Variants in DLG2 observed in about 807,000 individuals in gnomAD.
The protein encoded by DLG2 is discs large MAGUK scaffold protein 2, also known as disks large homolog 2.
DLG2 carries 45 observed loss-of-function variants against 132.5 expected under a neutral mutation model. The observed-to-expected ratio is 0.34, with a 90% confidence interval of 0.27 to 0.44. The LOEUF is 0.44. Among genes scored for constraint, DLG2 ranks in the 20% least tolerant of loss-of-function variants. The pLI, the probability that DLG2 is intolerant of heterozygous loss-of-function variation, is 1.00. For synonymous variants in DLG2, 424 were observed against 419.6 expected (o/e 1.01, Z -0.13); for missense variants, 1,045 against 1,196.9 (o/e 0.87, Z 1.87).
intron 6 of DLG2, among the ~76,000 whole-genome samples, chr11:85,036,085 A>C (rs1465850216): frequency 6.6e-6 from 1 of 152,174 alleles, no homozygotes; most frequent in Admixed American, 6.5e-5. Context: ...TAGCTTCCTT[A>C]TGCATAAAAT....
At chr11:83,574,099 ACT>A (rs2144098434) in intron 19 of DLG2, among the ~76,000 whole-genome samples, 1 of 152,172 alleles carries the variant, frequency 6.6e-6, no homozygotes, top group South Asian at 2.1e-4. Context: ...CTTATTCTAA[ACT>A]CTGTAATTAA....
chr11:83,783,616 C>T (rs182752754), intron 18 of DLG2, among the ~76,000 whole-genome samples: 1 of 152,032 alleles, frequency 6.6e-6, no homozygotes, highest in Non-Finnish European at 1.5e-5. Context: ...TTAAGAAATA[C>T]CAAGTAGGAC....
chr11:84,182,165 C>A (rs889576525), intron 8 of DLG2, among the ~76,000 whole-genome samples: 2 of 152,094 alleles, frequency 1.3e-5, no homozygotes, highest in East Asian at 1.9e-4. Flanking sequence ...AGAATAGATA[C>A]AATGTCTGTT....
chr11:85,526,720 G>C (rs937526555), intron 3 of DLG2, among the ~76,000 whole-genome samples: 2 of 152,134 alleles, frequency 1.3e-5, no homozygotes, highest in Non-Finnish European at 2.9e-5. Context: ...GTTTCTGGAA[G>C]AGATTAGCAT....
At position 84,533,950 on chromosome 11, in the gene DLG2, G is replaced by A. The variant is rs922356984; in HGVS notation, c.519+620C>T. Among the ~76,000 whole-genome samples, 3 of 126,844 alleles carry A rather than the reference G, an allele frequency of 2.4e-5. No homozygotes were observed. The South Asian group carries it at 8.5e-4, about 36-fold the overall frequency. 83.2% of individuals were successfully genotyped at this position (126,844 alleles called of 152,430 possible). A position where few individuals can be genotyped will look rare whatever the true frequency, so the allele number is the denominator to read the frequency against. ...AAAAAAAAAAAAATCAGAGTAATTTGCACAGCCAAGGGGCATAGAAAAGTA... is the reference window on the plus strand; with the variant it reads ...AAAAAAAAAAAAATCAGAGTAATTTACACAGCCAAGGGGCATAGAAAAGTA... On this transcript the variant is annotated intron_variant, in intron 7 of 27. Transcript: ENST00000376104.
chr11:84,741,250 T>G (rs1455152788), intron 6 of DLG2, among the ~76,000 whole-genome samples: 1 of 151,824 alleles, frequency 6.6e-6, no homozygotes, highest in Non-Finnish European at 1.5e-5. Flanking sequence ...GTATTTTTAG[T>G]AGAGACGGGG....
chr11:84,011,262 A>G (rs922453028), intron 11 of DLG2, among the ~76,000 whole-genome samples: 1 of 152,086 alleles, frequency 6.6e-6, no homozygotes, highest in African/African-American at 2.4e-5. Flanking sequence ...CTTGAGCCCA[A>G]GAGTTTAGAC....
At chr11:84,031,710 T>C (rs1172319429) in intron 11 of DLG2, among the ~76,000 whole-genome samples, 1 of 152,164 alleles carries the variant, frequency 6.6e-6, no homozygotes, top group East Asian at 1.9e-4. Flanking sequence ...AAATATTCTT[T>C]CAAAAACATA....
At chr11:85,388,594 C>A (rs576264252) in intron 3 of DLG2, among the ~76,000 whole-genome samples, 2 of 152,290 alleles carry the variant, frequency 1.3e-5, no homozygotes, top group Admixed American at 1.3e-4. Context: ...ACAGAGAACA[C>A]TTCACTCCCC....
At chr11:84,604,343 G>A (rs532332611) in intron 6 of DLG2, among the ~76,000 whole-genome samples, 5 of 152,016 alleles carry the variant, frequency 3.3e-5, no homozygotes, top group African/African-American at 7.2e-5. Context: ...AAAGTTCAGC[G>A]TGTACAAATC....
intron 25 of DLG2, among the ~76,000 whole-genome samples, chr11:83,468,731 G>C (rs1160089427): frequency 6.6e-6 from 1 of 152,070 alleles, no homozygotes; most frequent in Admixed American, 6.6e-5. Flanking sequence ...CCAGCAAAAA[G>C]ATAATAGCAG....
chr11:83,473,329 G>A (rs2092288641), intron 22 of DLG2, among the ~76,000 whole-genome samples: 1 of 152,072 alleles, frequency 6.6e-6, no homozygotes, highest in African/African-American at 2.4e-5. Context: ...ATCAAAAATT[G>A]AGGTGTGTCC....
intron 18 of DLG2, among the ~76,000 whole-genome samples, chr11:83,766,503 T>C (rs1311906596): frequency 1.3e-5 from 2 of 151,900 alleles, no homozygotes; most frequent in Admixed American, 6.6e-5. Flanking sequence ...CTCCTTCTTA[T>C]AAATTTGAAA....
chr11:83,858,741 T>C (rs749211047), intron 16 of DLG2, among the ~76,000 whole-genome samples: 8 of 152,212 alleles, frequency 5.3e-5, no homozygotes, highest in Non-Finnish European at 1.0e-4. Flanking sequence ...AAAAACCCCA[T>C]GCACTCTCAA....
chr11:85,128,215 G>C (rs2075348910), intron 5 of DLG2, among the ~76,000 whole-genome samples: 1 of 151,888 alleles, frequency 6.6e-6, no homozygotes, highest in Admixed American at 6.6e-5. Context: ...TTTATTTGTA[G>C]ATTTTTTTTA....
At chr11:84,181,234 A>G (rs1285880978) in intron 8 of DLG2, among the ~76,000 whole-genome samples, 2 of 152,022 alleles carry the variant, frequency 1.3e-5, no homozygotes, top group Admixed American at 1.3e-4. Flanking sequence ...ATATTTTGTT[A>G]TAAGACACTT....
chr11:84,964,267 T>C (rs1027258864), intron 6 of DLG2, among the ~76,000 whole-genome samples: 3 of 152,126 alleles, frequency 2.0e-5, no homozygotes, highest in African/African-American at 4.8e-5. Flanking sequence ...GAAATTCATA[T>C]ACAACCTTCA....
rs571997169 is a variant in DLG2 at position 85,576,792 on chromosome 11, T to C, written c.40+21865A>G. ...AAATAAATATAAATATATATGTTGA[T>C]AAGTACAATAAATAAAAATTATCTA... On this transcript the variant is annotated intron_variant, in intron 3 of 27. Coordinates refer to ENST00000376104, the MANE Select transcript of DLG2 (RefSeq NM_001142699.3). Among the ~76,000 whole-genome samples, 3 of 152,214 alleles carry C rather than the reference T, an allele frequency of 2.0e-5. No homozygotes were observed. In the South Asian group the frequency reaches 6.2e-4, roughly 32 times the overall value.
chr11:84,926,962 T>C (rs1447290879), intron 6 of DLG2, among the ~76,000 whole-genome samples: 1 of 152,010 alleles, frequency 6.6e-6, no homozygotes, highest in East Asian at 1.9e-4. Flanking sequence ...TCTTAAAGCA[T>C]AGCCCTTAAA....
Sources: allele counts gnomAD v4.1 joint callset (sites outside exome capture counted in the v4.1 genomes callset), GRCh38; gene constraint gnomAD v4.1.1; transcripts MANE v1.5; gene names NCBI Gene and HGNC (gene_info 2026-07-23, HGNC 2026-07-21).